Variants in TAFA2 observed in about 807,000 individuals in gnomAD.
TAFA2 encodes TAFA chemokine like family member 2, also known as chemokine-like protein TAFA-2.
Under a neutral mutation model 18.8 loss-of-function variants are expected in TAFA2, and 7 were observed. That is an observed-to-expected ratio of 0.37 (90% confidence interval 0.21 to 0.70). The LOEUF (loss-of-function observed/expected upper bound fraction) is 0.70. Among genes scored for constraint, TAFA2 ranks in the 30% least tolerant of loss-of-function variants. TAFA2 has a pLI of 0.53. For synonymous variants in TAFA2, 60 were observed against 54.2 expected, an observed-to-expected ratio of 1.11 and a Z score of -0.47; for missense variants, 122 against 158.1, an observed-to-expected ratio of 0.77 and a Z score of 1.23.
intron 1 of TAFA2, among the ~76,000 whole-genome samples, chr12:62,232,532 G>T (rs1405545354): frequency 6.6e-6 from 1 of 152,018 alleles, no homozygotes; most frequent in Non-Finnish European, 1.5e-5. Context: ...TGTTTGTTCT[G>T]ACATGGAGTC....
At chr12:61,785,229 T>G (rs900776188) in intron 2 of TAFA2, among the ~76,000 whole-genome samples, 2 of 151,638 alleles carry the variant, frequency 1.3e-5, no homozygotes, top group Admixed American at 1.3e-4. Flanking sequence ...TTTCCGTTCC[T>G]GGCTGATTTC....
intron 1 of TAFA2, chr12:62,206,879 T>G (rs1226646036): frequency 2.0e-5 from 3 of 152,024 alleles, no homozygotes; most frequent in Admixed American, 2.0e-4. Context: ...CATCCTGGTT[T>G]TTTTTACCAT....
intron 1 of TAFA2, among the ~76,000 whole-genome samples, chr12:62,141,460 C>T (rs894134902): frequency 4.6e-5 from 7 of 152,172 alleles, no homozygotes; most frequent in African/African-American, 1.4e-4. Context: ...GAAGCTTTAC[C>T]TGCCATCTTC....
At chr12:61,972,807 G>C (rs904630543) in intron 1 of TAFA2, among the ~76,000 whole-genome samples, 2 of 151,518 alleles carry the variant, frequency 1.3e-5, no homozygotes, top group East Asian at 3.9e-4. Context: ...GCATACAAAA[G>C]ATATCTCAGG....
chr12:62,004,290 TA>T (rs1880474335), intron 1 of TAFA2, among the ~76,000 whole-genome samples: 1 of 152,174 alleles, frequency 6.6e-6, no homozygotes, highest in Admixed American at 6.5e-5. Context: ...AGGTATTTGT[TA>T]TGTCTATTTT....
chr12:62,006,768 C>T (rs1880565450), intron 1 of TAFA2, among the ~76,000 whole-genome samples: 1 of 152,112 alleles, frequency 6.6e-6, no homozygotes, highest in African/African-American at 2.4e-5. Flanking sequence ...TATATCTTCT[C>T]CCCAACCCAT....
intron 1 of TAFA2, among the ~76,000 whole-genome samples, chr12:62,070,836 A>G (rs552870140): frequency 6.6e-6 from 1 of 152,128 alleles, no homozygotes; most frequent in East Asian, 1.9e-4. Context: ...TGTCTGGTTT[A>G]TTATATTCTT....
intron 1 of TAFA2, among the ~76,000 whole-genome samples, chr12:62,119,861 G>T (rs1257725979): frequency 6.6e-6 from 1 of 151,980 alleles, no homozygotes; most frequent in Non-Finnish European, 1.5e-5. Flanking sequence ...ATCACCAGAG[G>T]TCAGGAGTTT....
chr12:61,715,603 C>T (rs1049613276), intron 4 of TAFA2, among the ~76,000 whole-genome samples: 11 of 152,076 alleles, frequency 7.2e-5, no homozygotes, highest in African/African-American at 2.4e-4. Context: ...CCGCCCACCT[C>T]GGCTTCCCAA....
chr12:61,986,214 G>A (rs971600772), intron 1 of TAFA2, among the ~76,000 whole-genome samples: 2 of 136,410 alleles, frequency 1.5e-5, no homozygotes, highest in Admixed American at 8.2e-5. Context: ...GCCCAGGCTG[G>A]AGTTCAATGG....
intron 1 of TAFA2, among the ~76,000 whole-genome samples, chr12:61,993,743 T>A (rs933030264): frequency 6.6e-6 from 1 of 152,188 alleles, no homozygotes; most frequent in African/African-American, 2.4e-5. Flanking sequence ...ACGGTCACTG[T>A]TAAATACAGA....
intron 4 of TAFA2, 63 bp downstream of exon 4, chr12:61,753,559 C>A: frequency 1.3e-6 from 2 of 1,497,096 alleles, no homozygotes; most frequent in Non-Finnish European, 1.8e-6. Context: ...TTGGTTACTG[C>A]ACAAGCTCCG....
chr12:61,709,086 A>T lies in TAFA2; in HGVS notation c.*1320T>A, dbSNP rs1022179273. The T allele has an allele frequency of 6.6e-6, 1 of 152,546 alleles. No homozygotes were observed. Among genetic ancestry groups the T allele is most frequent in the African/African-American group, 2.4e-5 (1 of 41,454 alleles). The allele number at this position is 152,546 out of a possible 1,614,324, so 9.4% of individuals were successfully genotyped here. A position where few individuals can be genotyped will look rare whatever the true frequency, so the allele number is the denominator to read the frequency against. On this transcript the variant is annotated 3_prime_UTR_variant, in exon 5 of 5. Coordinates refer to ENST00000416284, the MANE Select transcript of TAFA2 (RefSeq NM_178539.5). Reference sequence around the variant, plus strand: ...TACACAATATTGTTACAGAATGGCTATGCACTTTTCTTTCTTCTCTCCCTT... The same window carrying T: ...TACACAATATTGTTACAGAATGGCTTTGCACTTTTCTTTCTTCTCTCCCTT...
intron 2 of TAFA2, among the ~76,000 whole-genome samples, chr12:61,854,096 T>C (rs1873788984): frequency 6.6e-6 from 1 of 152,188 alleles, no homozygotes; most frequent in South Asian, 2.1e-4. Context: ...AATTATCAAT[T>C]ATTTGAGGAA....
chr12:61,876,665 T>C (rs545999327), intron 1 of TAFA2, among the ~76,000 whole-genome samples: 67 of 152,016 alleles, frequency 4.4e-4, no homozygotes, highest in Middle Eastern at 3.4e-3. Flanking sequence ...CATCAACATA[T>C]TTCAACCATA....
At chr12:62,076,070 T>G (rs565710210) in intron 1 of TAFA2, among the ~76,000 whole-genome samples, 1 of 152,310 alleles carries the variant, frequency 6.6e-6, no homozygotes, top group South Asian at 2.1e-4. Context: ...TTCCTCTTTG[T>G]GACAATATCT....
chr12:62,146,557 A>G (rs2062283091), intron 1 of TAFA2, among the ~76,000 whole-genome samples: 1 of 152,116 alleles, frequency 6.6e-6, no homozygotes, highest in African/African-American at 2.4e-5. Flanking sequence ...TGGAGGTAGG[A>G]AGGCTTCTGG....
intron 2 of TAFA2, among the ~76,000 whole-genome samples, chr12:61,845,936 C>A (rs549165185): frequency 2.6e-5 from 4 of 152,200 alleles, no homozygotes; most frequent in Non-Finnish European, 5.9e-5. Context: ...ACCATAATTC[C>A]TTCACTAACA....
chr12:61,985,907 T>A (rs1482028330), intron 1 of TAFA2, among the ~76,000 whole-genome samples: 2 of 152,196 alleles, frequency 1.3e-5, no homozygotes, highest in African/African-American at 4.8e-5. Flanking sequence ...CTTCATTTTT[T>A]AATGGGGCAG....
Sources: gnomAD v4.1 joint callset for allele counts (sites outside exome capture counted in the v4.1 genomes callset) on GRCh38, gnomAD v4.1.1 for gene constraint, MANE v1.5 for transcripts, NCBI Gene and HGNC (gene_info 2026-07-23, HGNC 2026-07-21) for gene names.